FAM117B: variants seen among roughly 807,000 people sequenced by gnomAD.
FAM117B encodes the protein family with sequence similarity 117 member B, also known as protein FAM117B.
FAM117B carries 22 observed loss-of-function variants against 52.8 expected under a neutral mutation model. That is an observed-to-expected ratio of 0.42 (90% CI 0.30 to 0.59). FAM117B has a LOEUF of 0.59. Among genes scored for constraint, FAM117B ranks in the 20% least tolerant of loss-of-function variants. FAM117B has a pLI of 0.22. For missense variants in FAM117B, 678 were observed against 802.6 expected (o/e 0.84, Z 1.88); for synonymous variants, 309 against 324.1 (o/e 0.95, Z 0.50).
intron 2 of FAM117B, among the ~76,000 whole-genome samples, chr2:202,704,305 G>C (rs1690841443): frequency 6.6e-6 from 1 of 152,158 alleles, no homozygotes; most frequent in African/African-American, 2.4e-5. Context: ...TACCTTTATT[G>C]TCAGATTTGA....
intron 1 of FAM117B, among the ~76,000 whole-genome samples, chr2:202,692,509 A>G (rs540990744): frequency 1.3e-5 from 2 of 152,360 alleles, no homozygotes; most frequent in East Asian, 3.9e-4. Context: ...AAATTTTTAA[A>G]GGACAAAATT....
At chr2:202,719,096 A>G (rs550932803) in intron 2 of FAM117B, among the ~76,000 whole-genome samples, 1 of 152,192 alleles carries the variant, frequency 6.6e-6, no homozygotes, top group Non-Finnish European at 1.5e-5. Context: ...TTTACTTTTT[A>G]TTAATACCTA....
intron 4 of FAM117B, among the ~76,000 whole-genome samples, chr2:202,726,868 G>A (rs189952180): frequency 2.5e-4 from 38 of 151,950 alleles, no homozygotes; most frequent in Non-Finnish European, 2.1e-4. Context: ...AAACCAAAAC[G>A]GCACATGGGT....
intron 2 of FAM117B, among the ~76,000 whole-genome samples, chr2:202,722,388 C>T (rs1033246222): frequency 1.3e-5 from 2 of 152,148 alleles, no homozygotes; most frequent in African/African-American, 4.8e-5. Flanking sequence ...TACTATGCTG[C>T]TTATTCACAA....
chr2:202,635,575 G>T lies in FAM117B; in HGVS notation c.388G>T (p.Ala130Ser). The change falls in exon 1 of 8, where the codon GCG becomes TCG. Residue 130 changes from alanine to serine, a missense_variant. Physicochemically the swap from Ala to Ser is moderately conservative, Grantham distance 99. Transcript: ENST00000392238. ...AGGCACCAGCCCCACGCGCAGCGCC[G>T]CGCCTGGAGCTCGCGGGAGCCCCCC... is the stretch of plus-strand genomic sequence containing the variant. ...TRGTSPTRSA[A>S]PGARGSPPRP... is the part of the protein sequence containing the mutation. 8.1e-7 allele frequency: 1 copy of T among 1,235,486 alleles called. No homozygotes were observed. Among genetic ancestry groups the T allele is most frequent in the Non-Finnish European group, 1.0e-6 (1 of 993,468 alleles). 76.5% of individuals were successfully genotyped at this position (1,235,486 alleles called of 1,614,324 possible). A position where few individuals can be genotyped will look rare whatever the true frequency, so the allele number is the denominator to read the frequency against.
chr2:202,671,821 A>C (rs1276869743), intron 1 of FAM117B, among the ~76,000 whole-genome samples: 1 of 152,178 alleles, frequency 6.6e-6, no homozygotes, highest in Non-Finnish European at 1.5e-5. Context: ...AGCAAATCCC[A>C]GAAATTGTTG....
Position 202,659,397 on chromosome 2 carries a change from C to A in FAM117B, c.601+23609C>A, listed in dbSNP as rs565438900. On this transcript the variant is annotated intron_variant, in intron 1 of 7. Transcript: ENST00000392238. ...TGATCTTAGTTCACTGCAGCCTCTA[C>A]CTCCTGGGCTCAGGCGATCCTCCTA... 4.1e-4 allele frequency among the ~76,000 whole-genome samples: 63 copies of A among 152,074 alleles called. No individual in the cohort carries two copies. The Middle Eastern group carries it at 0.014, about 33-fold the overall frequency.
chr2:202,756,796 G>T (rs1165975916), intron 5 of FAM117B, among the ~76,000 whole-genome samples: 1 of 152,094 alleles, frequency 6.6e-6, no homozygotes, highest in African/African-American at 2.4e-5. Context: ...TAGGAAGGTT[G>T]ACTTGAAAAA....
chr2:202,745,471 G>A (rs1217724435), intron 4 of FAM117B, among the ~76,000 whole-genome samples: 1 of 152,042 alleles, frequency 6.6e-6, no homozygotes, highest in African/African-American at 2.4e-5. Flanking sequence ...ATCAGAAAGA[G>A]AAAGTCAAAT....
intron 4 of FAM117B, among the ~76,000 whole-genome samples, chr2:202,744,070 T>C (rs781206762): frequency 1.3e-5 from 2 of 152,248 alleles, no homozygotes; most frequent in Non-Finnish European, 2.9e-5. Flanking sequence ...CCAAGTCATA[T>C]TATAGTCAAA....
At chr2:202,684,145 G>A (rs1180915812) in intron 1 of FAM117B, among the ~76,000 whole-genome samples, 1 of 152,180 alleles carries the variant, frequency 6.6e-6, no homozygotes, top group Admixed American at 6.5e-5. Context: ...GGGATTACTG[G>A]TGTGAGCCAC....
intron 1 of FAM117B, among the ~76,000 whole-genome samples, chr2:202,672,858 C>G (rs1690319272): frequency 2.6e-5 from 4 of 151,858 alleles, no homozygotes; most frequent in Admixed American, 1.3e-4. Context: ...AACATCATGG[C>G]AAGGCTTTGT....
In FAM117B at chr2:202,635,247, T is replaced by C. The variant is rs1401183400; in HGVS notation, c.60T>C (p.Gly20=). Reference sequence around the variant, plus strand: ...CGCCGGCCGGCTCCCTTGGGGGTGGTGCGGTGGCCACGGCCGGGGGACCCG... The same window carrying C: ...CGCCGGCCGGCTCCCTTGGGGGTGGCGCGGTGGCCACGGCCGGGGGACCCG... ...SPTPAGSLGG[G]AVATAGGPGS... The change falls in exon 1 of 8, where the codon GGT becomes GGC. Residue 20 remains glycine, a synonymous_variant. Coordinates refer to ENST00000392238, the MANE Select transcript of FAM117B (RefSeq NM_173511.4). 3 of 1,348,136 alleles carry C rather than the reference T, an allele frequency of 2.2e-6. No homozygotes were observed. The highest frequency in any genetic ancestry group is 3.2e-5 in the Admixed American group (1 of 31,140). 83.5% of individuals were successfully genotyped at this position (1,348,136 alleles called of 1,614,324 possible).
intron 4 of FAM117B, among the ~76,000 whole-genome samples, chr2:202,744,693 C>T (rs1244099975): frequency 1.3e-5 from 2 of 152,110 alleles, no homozygotes; most frequent in Non-Finnish European, 2.9e-5. Flanking sequence ...GGAAAGTTGG[C>T]TGGGCATGGT....
chr2:202,695,102 G>GA (rs1559103997), intron 1 of FAM117B, among the ~76,000 whole-genome samples: 1 of 152,104 alleles, frequency 6.6e-6, no homozygotes, highest in African/African-American at 2.4e-5. Flanking sequence ...TGATTCTATG[G>GA]AAAATTCCTG....
At chr2:202,670,635 C>G (rs1690284494) in intron 1 of FAM117B, among the ~76,000 whole-genome samples, 1 of 152,172 alleles carries the variant, frequency 6.6e-6, no homozygotes, top group African/African-American at 2.4e-5. Flanking sequence ...AACAGGGCCA[C>G]AGACCATTCA....
Position 202,765,433 on chromosome 2 carries a change from G to C in FAM117B, c.1452-13G>C. ...GTGACTTAAAAGCATTGGGTTGTCT[G>C]TTCTATGTCTAGGCCAAAACAGCTT... is the stretch of plus-strand genomic sequence containing the variant. On this transcript the variant is annotated splice_polypyrimidine_tract_variant and intron_variant, in intron 7 of 7. Coordinates refer to ENST00000392238, the MANE Select transcript of FAM117B (RefSeq NM_173511.4). 6.2e-7 allele frequency: 1 copy of C among 1,603,552 alleles called. No homozygotes were observed.
chr2:202,730,973 A>G (rs1298234393), intron 4 of FAM117B, among the ~76,000 whole-genome samples: 1 of 152,226 alleles, frequency 6.6e-6, no homozygotes, highest in Non-Finnish European at 1.5e-5. Flanking sequence ...ACAGAATAGG[A>G]TAACCCACAA....
At chr2:202,718,165 C>T (rs1559108880) in intron 2 of FAM117B, among the ~76,000 whole-genome samples, 2 of 151,880 alleles carry the variant, frequency 1.3e-5, no homozygotes, top group Non-Finnish European at 2.9e-5. Context: ...TGGCGTGGAA[C>T]TCACCCTTCA....
Sources: allele counts gnomAD v4.1 joint callset (sites outside exome capture counted in the v4.1 genomes callset), GRCh38; gene constraint gnomAD v4.1.1; transcripts MANE v1.5; gene names NCBI Gene and HGNC (gene_info 2026-07-23, HGNC 2026-07-21).